Variants in SV2C observed in about 807,000 individuals in gnomAD.
SV2C encodes the protein solute carrier family 22 member B3.
In SV2C, 49 loss-of-function variants were observed where a neutral mutation model predicts 79.7. The ratio of observed to expected loss-of-function variants is 0.61; its 90% CI spans 0.49 to 0.78. The LOEUF is 0.78. Ranked by LOEUF, SV2C falls within the 30% of genes least tolerant of loss-of-function variation. The probability of loss-of-function intolerance (pLI) is 0.00; values close to 1 mark genes in which losing one functional copy is unlikely to be tolerated. For synonymous variants in SV2C, 334 were observed against 333.2 expected, an observed-to-expected ratio of 1.00 and a Z score of -0.03; for missense variants, 833 against 912.9, an observed-to-expected ratio of 0.91 and a Z score of 1.13.
chr5:75,967,495 G>T, the SV2C span, among the ~76,000 whole-genome samples: 1 of 152,176 alleles, frequency 6.6e-6, no homozygotes, highest in Non-Finnish European at 1.5e-5. Flanking sequence ...TTTCCAACAG[G>T]CTTAACAAAT....
At chr5:76,183,225 A>C (rs979686583) in intron 2 of SV2C, among the ~76,000 whole-genome samples, 47 of 151,588 alleles carry the variant, frequency 3.1e-4, no homozygotes, top group Non-Finnish European at 1.0e-4. Flanking sequence ...GGGTTTCACC[A>C]TGTTGGCCAG....
chr5:76,247,146 CA>C (rs1293993485), intron 4 of SV2C, among the ~76,000 whole-genome samples: 3 of 152,140 alleles, frequency 2.0e-5, no homozygotes, highest in Non-Finnish European at 2.9e-5. Flanking sequence ...ATTGGTAAGA[CA>C]GGGGCCAGTG....
the SV2C span, among the ~76,000 whole-genome samples, chr5:76,063,635 C>T: frequency 2.0e-5 from 3 of 152,094 alleles, no homozygotes; most frequent in South Asian, 2.1e-4. Context: ...GAGGACTTCC[C>T]GAAGGACCCA....
the SV2C span, among the ~76,000 whole-genome samples, chr5:75,864,761 T>C: frequency 6.6e-6 from 1 of 152,246 alleles, no homozygotes; most frequent in African/African-American, 2.4e-5. Context: ...TGCTGCATTC[T>C]GCATCACTAC....
At chr5:75,941,850 T>A in the SV2C span, among the ~76,000 whole-genome samples, 1 of 152,198 alleles carries the variant, frequency 6.6e-6, no homozygotes, top group African/African-American at 2.4e-5. Flanking sequence ...CCTTGTCTGA[T>A]TGTAGGTCAT....
intron 2 of SV2C, among the ~76,000 whole-genome samples, chr5:76,137,691 A>T (rs925420941): frequency 1.3e-5 from 2 of 152,160 alleles, no homozygotes; most frequent in South Asian, 2.1e-4. Flanking sequence ...TTTTTTAATT[A>T]AAAAAATCAT....
At chr5:76,021,911 G>C in the SV2C span, among the ~76,000 whole-genome samples, 1 of 152,098 alleles carries the variant, frequency 6.6e-6, no homozygotes, top group East Asian at 1.9e-4. Context: ...TGTTCTTACA[G>C]TCAAAATCAT....
chr5:75,932,628 T>C, the SV2C span, among the ~76,000 whole-genome samples: 1 of 152,260 alleles, frequency 6.6e-6, no homozygotes, highest in Admixed American at 6.5e-5. Context: ...TCTGGCTGAT[T>C]ATCTGCAGCA....
chr5:75,919,781 T>C, the SV2C span, among the ~76,000 whole-genome samples: 3 of 152,258 alleles, frequency 2.0e-5, no homozygotes, highest in Non-Finnish European at 4.4e-5. Context: ...GTTGTAGTGA[T>C]ATTTTGGACA....
chr5:76,003,062 A>G, the SV2C span, among the ~76,000 whole-genome samples: 7 of 151,872 alleles, frequency 4.6e-5, no homozygotes, highest in Non-Finnish European at 8.8e-5. Flanking sequence ...TTCGCACAAG[A>G]TCTGATGGTT....
At chr5:76,223,587 C>A (rs369620282) in intron 4 of SV2C, among the ~76,000 whole-genome samples, 1 of 149,762 alleles carries the variant, frequency 6.7e-6, no homozygotes, top group East Asian at 2.0e-4. Context: ...TGATTTGATA[C>A]TTGTGTTTCC....
the SV2C span, among the ~76,000 whole-genome samples, chr5:75,892,380 T>C: frequency 6.6e-5 from 10 of 152,104 alleles, no homozygotes; most frequent in Non-Finnish European, 1.5e-4. Context: ...TTTTTTAAAG[T>C]ATAGTCATCC....
chr5:76,305,515 T>C (rs1748158095), intron 12 of SV2C, among the ~76,000 whole-genome samples: 1 of 152,208 alleles, frequency 6.6e-6, no homozygotes. Flanking sequence ...GCAGAGAGCC[T>C]GTGTCTCTGC....
chr5:76,242,308 G>A (rs1345624961), intron 4 of SV2C: 5 of 1,461,958 alleles, frequency 3.4e-6, no homozygotes, highest in South Asian at 1.1e-5. Flanking sequence ...TGGCGGCAGC[G>A]ACGGCAGCGG....
intron 4 of SV2C, among the ~76,000 whole-genome samples, chr5:76,229,084 C>T (rs1006589619): frequency 6.6e-6 from 1 of 152,206 alleles, no homozygotes. Context: ...CTCCAAATGG[C>T]CCAGCTGAGA....
At chr5:75,908,075 C>T in the SV2C span, among the ~76,000 whole-genome samples, 2 of 152,206 alleles carry the variant, frequency 1.3e-5, no homozygotes, top group Non-Finnish European at 2.9e-5. Context: ...GCAAGTTTCC[C>T]ATTTAAAGTA....
At chr5:76,233,826 G>A (rs537200946) in intron 4 of SV2C, among the ~76,000 whole-genome samples, 3 of 149,138 alleles carry the variant, frequency 2.0e-5, no homozygotes, top group Non-Finnish European at 4.4e-5. Flanking sequence ...TTGATGTGCT[G>A]TTGCATTCGT....
intron 1 of SV2C, among the ~76,000 whole-genome samples, chr5:76,098,346 T>A (rs550225307): frequency 3.3e-5 from 5 of 152,192 alleles, no homozygotes; most frequent in African/African-American, 4.8e-5. Context: ...ATATTATATT[T>A]TCCTATTAAA....
intron 1 of SV2C, among the ~76,000 whole-genome samples, chr5:76,103,778 G>C (rs1252204449): frequency 6.6e-6 from 1 of 152,132 alleles, no homozygotes; most frequent in East Asian, 1.9e-4. Flanking sequence ...GATGAATTCT[G>C]CTAAACATTT....
Sources: gnomAD v4.1 joint callset for allele counts (sites outside exome capture counted in the v4.1 genomes callset) on GRCh38, gnomAD v4.1.1 for gene constraint, MANE v1.5 for transcripts, NCBI Gene and HGNC (gene_info 2026-07-23, HGNC 2026-07-21) for gene names.